Variants in ZHX2 observed in about 807,000 individuals in gnomAD.
ZHX2 encodes the protein zinc fingers and homeoboxes protein 2.
Under a neutral mutation model 21.9 loss-of-function variants are expected in ZHX2, and 6 were observed. The observed-to-expected ratio is 0.27, with a 90% CI of 0.15 to 0.54. The LOEUF is 0.54. Among genes scored for constraint, ZHX2 ranks in the 20% least tolerant of loss-of-function variants. The pLI is 0.95. For synonymous variants in ZHX2, 434 were observed against 437.1 expected (o/e 0.99, Z 0.09); for missense variants, 908 against 1,090.7 (o/e 0.83, Z 2.36).
chr8:122,819,223 G>T (rs972251878), intron 1 of ZHX2, among the ~76,000 whole-genome samples: 3 of 152,162 alleles, frequency 2.0e-5, no homozygotes, highest in Admixed American at 6.5e-5. Flanking sequence ...GAGTGAGACC[G>T]GGATCTGCCA....
chr8:122,945,436 CAAAAAAAAAAA>C (rs60890533), intron 2 of ZHX2, among the ~76,000 whole-genome samples: 74 of 73,654 alleles, frequency 1.0e-3, no homozygotes, highest in Middle Eastern at 8.2e-3. Flanking sequence ...CCTGTCTCTG[CAAAAAAAAAAA>C]AAAAAAAAAA....
chr8:122,959,720 G>T (rs1813394378), intron 3 of ZHX2, among the ~76,000 whole-genome samples: 1 of 152,190 alleles, frequency 6.6e-6, no homozygotes, highest in South Asian at 2.1e-4. Flanking sequence ...AAAAGCTCAA[G>T]AGAAAGGCCT....
intron 2 of ZHX2, among the ~76,000 whole-genome samples, chr8:122,885,434 C>T (rs1174998034): frequency 2.0e-5 from 3 of 151,840 alleles, no homozygotes; most frequent in African/African-American, 7.3e-5. Context: ...ACGGTGGACA[C>T]CTTCACTCTG....
intron 1 of ZHX2, among the ~76,000 whole-genome samples, chr8:122,859,665 G>C (rs1215130072): frequency 6.6e-6 from 1 of 152,148 alleles, no homozygotes; most frequent in Non-Finnish European, 1.5e-5. Context: ...GGGGTGGGGA[G>C]CGTGGTCTTT....
chr8:122,954,002 C>A lies in ZHX2; in HGVS notation c.2492C>A (p.Pro831His), dbSNP rs780091873. ...ELAESDSDCV[P>H]AEAGQA ...GCTGAATCAGACTCCGACTGCGTCCCTGCAGAGGCTGGCCAGGCCTAGACA... is the reference window on the plus strand; with the variant it reads ...GCTGAATCAGACTCCGACTGCGTCCATGCAGAGGCTGGCCAGGCCTAGACA... The change falls in exon 3 of 4, where the codon CCT becomes CAT. Residue 831 changes from proline (P) to histidine (H), a missense_variant. Pro to His is a moderately conservative substitution (Grantham distance 77). Coordinates refer to ENST00000314393, the MANE Select transcript of ZHX2 (RefSeq NM_014943.5). The A allele has an allele frequency of 1.9e-6, 3 of 1,604,946 alleles. No homozygotes were observed. In the South Asian group the frequency reaches 3.4e-5, roughly 18 times the overall value.
At chr8:122,832,881 A>G (rs1044998669) in intron 1 of ZHX2, among the ~76,000 whole-genome samples, 6 of 152,052 alleles carry the variant, frequency 3.9e-5, no homozygotes, top group African/African-American at 1.4e-4. Flanking sequence ...TTTAAAAGAG[A>G]TAGTATGGGC....
rs146935261 is a variant in ZHX2, at chr8:122,889,480, G to A, written c.-220+25941G>A. Among the ~76,000 whole-genome samples, 1,375 of 152,242 alleles carry A rather than the reference G, an allele frequency of 9.0e-3. 18 individuals are homozygous for A. Among genetic ancestry groups the A allele is most frequent in the African/African-American group, 0.032 (1,316 of 41,538 alleles). ...GATTTGCATTTCCCTAATGATTCAC[G>A]ATGTTGAGCATTTTTTCCATATACT... On this transcript the variant is annotated intron_variant, in intron 2 of 3. Transcript: ENST00000314393.
chr8:122,876,278 G>A (rs73333647), intron 2 of ZHX2, among the ~76,000 whole-genome samples: 5,734 of 152,080 alleles, frequency 0.038, 315 homozygotes, highest in African/African-American at 0.12. Flanking sequence ...AAGCACAGAG[G>A]GAAGCTCATT....
chr8:122,862,184 G>T (rs535683691), intron 1 of ZHX2, among the ~76,000 whole-genome samples: 85 of 152,166 alleles, frequency 5.6e-4, no homozygotes, highest in Non-Finnish European at 9.3e-4. Flanking sequence ...CCCACCACCC[G>T]TGGCTAGGAC....
At chr8:122,894,820 T>A (rs1271945977) in intron 2 of ZHX2, among the ~76,000 whole-genome samples, 2 of 152,118 alleles carry the variant, frequency 1.3e-5, no homozygotes, top group East Asian at 3.9e-4. Context: ...AAAATCCATC[T>A]TAGTATCTTG....
chr8:122,835,142 G>C (rs1475121307), intron 1 of ZHX2, among the ~76,000 whole-genome samples: 1 of 152,232 alleles, frequency 6.6e-6, no homozygotes. Context: ...ATAAGAGGTA[G>C]CATCTTCTGG....
intron 2 of ZHX2, among the ~76,000 whole-genome samples, chr8:122,926,942 C>T (rs1007617652): frequency 6.6e-6 from 1 of 152,022 alleles, no homozygotes; most frequent in Non-Finnish European, 1.5e-5. Context: ...GAATGATCTC[C>T]CCACCTCAAG....
At chr8:122,916,296 A>T (rs1433871461) in intron 2 of ZHX2, among the ~76,000 whole-genome samples, 2 of 152,166 alleles carry the variant, frequency 1.3e-5, no homozygotes, top group African/African-American at 4.8e-5. Context: ...CCCGGCCTGC[A>T]CATCTTCCAG....
intron 1 of ZHX2, among the ~76,000 whole-genome samples, chr8:122,823,060 C>A (rs938168047): frequency 1.3e-5 from 2 of 152,216 alleles, no homozygotes; most frequent in Admixed American, 6.5e-5. Flanking sequence ...ATGTTAGTAA[C>A]CCTCTCAGGA....
intron 1 of ZHX2, among the ~76,000 whole-genome samples, chr8:122,803,922 CA>C (rs1437867213): frequency 6.6e-6 from 1 of 152,118 alleles, no homozygotes; most frequent in East Asian, 1.9e-4. Context: ...TGTCTCCCCA[CA>C]GAGGAGAAGC....
chr8:122,933,852 T>C (rs1812610433), intron 2 of ZHX2, among the ~76,000 whole-genome samples: 1 of 152,162 alleles, frequency 6.6e-6, no homozygotes, highest in Non-Finnish European at 1.5e-5. Flanking sequence ...ATCATACTCT[T>C]TCTTACACAC....
intron 1 of ZHX2, among the ~76,000 whole-genome samples, chr8:122,843,417 G>A (rs1168917010): frequency 6.6e-6 from 1 of 152,164 alleles, no homozygotes; most frequent in African/African-American, 2.4e-5. Flanking sequence ...TTCAAACCAG[G>A]TTCAGACAGG....
At chr8:122,858,638 C>CTTTTTTTTTTTTTTTTTTT (rs34399149) in intron 1 of ZHX2, among the ~76,000 whole-genome samples, 4 of 82,732 alleles carry the variant, frequency 4.8e-5, no homozygotes, top group African/African-American at 8.7e-5. Flanking sequence ...TTCTTTCTTT[C>CTTTTTTTTTTTTTTTTTTT]TTTTTTTTTT....
intron 2 of ZHX2, among the ~76,000 whole-genome samples, chr8:122,896,956 G>A (rs550076447): frequency 5.3e-5 from 8 of 152,316 alleles, no homozygotes; most frequent in Middle Eastern, 3.4e-3. Context: ...TCCTGTGGCC[G>A]TGAAATGGGG....
Sources: allele counts gnomAD v4.1 joint callset (sites outside exome capture counted in the v4.1 genomes callset), GRCh38; gene constraint gnomAD v4.1.1; transcripts MANE v1.5; gene names NCBI Gene and HGNC (gene_info 2026-07-23, HGNC 2026-07-21).